The following MAGI2 variants were observed in gnomAD, a reference collection of about 807,000 sequenced individuals.
The protein encoded by MAGI2 is membrane associated guanylate kinase, WW and PDZ domain containing 2, also known as membrane-associated guanylate kinase, WW and PDZ domain-containing protein 2.
In MAGI2, 35 loss-of-function variants were observed where a neutral mutation model predicts 133.3. The observed-to-expected ratio is 0.26, with a 90% confidence interval of 0.20 to 0.35. The LOEUF (loss-of-function observed/expected upper bound fraction) is 0.35, where lower values mean the gene tolerates loss of function less well. MAGI2 is among the 10% of genes least tolerant of loss of function. MAGI2 has a pLI of 1.00. For synonymous variants in MAGI2, 729 were observed against 710.6 expected (o/e 1.03, Z -0.41); for missense variants, 1,636 against 1,863.4 (o/e 0.88, Z 2.25).
Position 79,136,003 on chromosome 7 carries a change from G to GAAAGAAAGAAAGAA in MAGI2, c.302-128798_302-128797insTTCTTTCTTTCTTT, listed in dbSNP as rs749343638. Among the ~76,000 whole-genome samples the GAAAGAAAGAAAGAA allele has an allele frequency of 4.4e-3, 179 of 40,904 alleles. 30 individuals are homozygous for GAAAGAAAGAAAGAA. Among genetic ancestry groups the GAAAGAAAGAAAGAA allele is most frequent in the East Asian group, 5.2e-3 (7 of 1,352 alleles). The allele number at this position is 40,904 out of a possible 152,430, so 26.8% of individuals were successfully genotyped here. Reference sequence around the variant, plus strand: ...AGAAAGAAAGAAAGAAAGAAAGAAAGAGAAAGAAAGAAAGAAAGAAAGAAG... The same window carrying GAAAGAAAGAAAGAA: ...AGAAAGAAAGAAAGAAAGAAAGAAAGAAAGAAAGAAAGAAAGAAAGAAAGAAAGAAAGAAAGAAG... On this transcript the variant is annotated intron_variant, in intron 1 of 21. Coordinates refer to ENST00000354212, the MANE Select transcript of MAGI2 (RefSeq NM_012301.4).
intron 2 of MAGI2, among the ~76,000 whole-genome samples, chr7:78,754,171 G>A (rs143402684): frequency 0.041 from 6,285 of 152,050 alleles, 420 homozygotes; most frequent in African/African-American, 0.14. Flanking sequence ...GAGCCCAGGA[G>A]TTCGGGACCA....
intron 2 of MAGI2, among the ~76,000 whole-genome samples, chr7:78,669,367 C>T (rs866291819): frequency 1.3e-5 from 2 of 151,988 alleles, no homozygotes; most frequent in East Asian, 1.9e-4. Context: ...CAAGACTAAA[C>T]CAGGAAGAAG....
intron 2 of MAGI2, among the ~76,000 whole-genome samples, chr7:78,920,964 A>G (rs1229388990): frequency 6.6e-6 from 1 of 152,222 alleles, no homozygotes; most frequent in Non-Finnish European, 1.5e-5. Flanking sequence ...GTGTACCTGA[A>G]CAGCAAGAGG....
rs563034710 is a variant in MAGI2, at chr7:79,312,664, G to A, written c.301+140356C>T. On this transcript the variant is annotated intron_variant, in intron 1 of 21. Coordinates refer to ENST00000354212, the MANE Select transcript of MAGI2 (RefSeq NM_012301.4). The stretch of plus-strand genomic sequence containing the variant: ...CAAAATACAAAGTACCTAAATTTTT[G>A]TCTCACTTATTAACTACTGTGCTCC... 5.3e-5 allele frequency among the ~76,000 whole-genome samples: 8 copies of A among 151,716 alleles called. No homozygotes were observed. The South Asian group carries it at 1.5e-3, about 28-fold the overall frequency.
chr7:78,746,715 T>C (rs1170237486), intron 2 of MAGI2, among the ~76,000 whole-genome samples: 1 of 152,226 alleles, frequency 6.6e-6, no homozygotes, highest in South Asian at 2.1e-4. Context: ...AGCACATTGT[T>C]CCAAAGTACA....
chr7:78,165,942 A>G (rs1405404265), intron 15 of MAGI2, among the ~76,000 whole-genome samples: 1 of 152,210 alleles, frequency 6.6e-6, no homozygotes, highest in African/African-American at 2.4e-5. Flanking sequence ...CCTTTGCTGA[A>G]CTTAATATTT....
At chr7:78,663,147 A>C (rs1462304235) in intron 2 of MAGI2, among the ~76,000 whole-genome samples, 1 of 150,804 alleles carries the variant, frequency 6.6e-6, no homozygotes, top group Admixed American at 6.6e-5. Flanking sequence ...CTATTTGGTT[A>C]CCATGGTTAC....
chr7:78,399,548 TA>T (rs1796659983), intron 6 of MAGI2, among the ~76,000 whole-genome samples: 1 of 152,172 alleles, frequency 6.6e-6, no homozygotes, highest in African/African-American at 2.4e-5. Context: ...CTCATGCCAG[TA>T]ATCCCAGCAT....
At chr7:78,103,240 G>A (rs1484856528) in intron 20 of MAGI2, among the ~76,000 whole-genome samples, 2 of 152,162 alleles carry the variant, frequency 1.3e-5, no homozygotes, top group Non-Finnish European at 2.9e-5. Context: ...ATCCCAATAT[G>A]CTCTTACATT....
intron 6 of MAGI2, among the ~76,000 whole-genome samples, chr7:78,370,173 A>C (rs1793778384): frequency 6.6e-6 from 1 of 152,056 alleles, no homozygotes; most frequent in Non-Finnish European, 1.5e-5. Flanking sequence ...CCTGCCACCC[A>C]AAAATAACCA....
intron 20 of MAGI2, among the ~76,000 whole-genome samples, chr7:78,108,784 G>A (rs1236313611): frequency 1.3e-5 from 2 of 151,692 alleles, no homozygotes; most frequent in African/African-American, 4.8e-5. Flanking sequence ...GTGTTTGTGT[G>A]TATATACACA....
intron 7 of MAGI2, among the ~76,000 whole-genome samples, chr7:78,361,602 C>T (rs1792819665): frequency 6.6e-6 from 1 of 152,116 alleles, no homozygotes; most frequent in African/African-American, 2.4e-5. Context: ...CATTTATATA[C>T]ATAACTGATG....
At chr7:78,508,888 CTT>C (rs11329362) in intron 4 of MAGI2, among the ~76,000 whole-genome samples, 243 of 141,314 alleles carry the variant, frequency 1.7e-3, no homozygotes, top group Middle Eastern at 0.011. Context: ...GAAAAATAGT[CTT>C]TTTTTTTTTT....
chr7:78,298,846 C>T lies in MAGI2; in HGVS notation c.1409-42265G>A, dbSNP rs766431636. On this transcript the variant is annotated intron_variant, in intron 9 of 21. Transcript: ENST00000354212. ...TTTTTTTTTTTTTGAGCTGGAGTCT[C>T]GCTCTGTTGCCCAGGCTGGAGTGCA... Among the ~76,000 whole-genome samples, 178 of 124,670 alleles carry T rather than the reference C, an allele frequency of 1.4e-3. 1 individual carries two copies. The highest frequency in any genetic ancestry group is 6.9e-3 in the Middle Eastern group (1 of 144). 81.8% of individuals were successfully genotyped at this position (124,670 alleles called of 152,430 possible).
chr7:78,634,774 G>A (rs1360404731), intron 2 of MAGI2, among the ~76,000 whole-genome samples: 1 of 152,062 alleles, frequency 6.6e-6, no homozygotes, highest in African/African-American at 2.4e-5. Context: ...TGGAAGATGT[G>A]GAGAATAAAA....
At position 79,015,935 on chromosome 7, in the gene MAGI2, G is replaced by T. The variant is rs567032615; in HGVS notation, c.302-8729C>A. ...GGAAGACACAGATACTGGGTCAAAG[G>T]GGCAGGAAGCAGGGAACCCTGCAAA... On this transcript the variant is annotated intron_variant, in intron 1 of 21. Coordinates refer to ENST00000354212, the MANE Select transcript of MAGI2 (RefSeq NM_012301.4). Among the ~76,000 whole-genome samples, 127 of 148,908 alleles carry T rather than the reference G, an allele frequency of 8.5e-4. 1 individual carries two copies. The highest frequency in any genetic ancestry group is 1.5e-3 in the Non-Finnish European group (101 of 67,484).
chr7:78,388,221 A>G (rs942283175), intron 6 of MAGI2, among the ~76,000 whole-genome samples: 1 of 152,118 alleles, frequency 6.6e-6, no homozygotes, highest in Non-Finnish European at 1.5e-5. Context: ...GGCACTCAAT[A>G]AAGAGTAGGT....
chr7:78,956,935 C>T (rs933761587), intron 2 of MAGI2, among the ~76,000 whole-genome samples: 3 of 152,040 alleles, frequency 2.0e-5, no homozygotes, highest in Non-Finnish European at 4.4e-5. Flanking sequence ...GCTTCTTTAT[C>T]GATGGGCCAA....
intron 3 of MAGI2, among the ~76,000 whole-genome samples, chr7:78,608,209 C>T (rs886583603): frequency 2.6e-5 from 4 of 152,116 alleles, no homozygotes; most frequent in Non-Finnish European, 4.4e-5. Context: ...TTACCTTTCA[C>T]ATCTTTGCTT....
Sources: allele counts gnomAD v4.1 joint callset (sites outside exome capture counted in the v4.1 genomes callset), GRCh38; gene constraint gnomAD v4.1.1; transcripts MANE v1.5; gene names NCBI Gene and HGNC (gene_info 2026-07-23, HGNC 2026-07-21).